Variants in CBL observed in about 807,000 individuals in gnomAD.
CBL encodes Cbl proto-oncogene.
In CBL, 45 loss-of-function variants were observed where a neutral mutation model predicts 96.9. The observed-to-expected ratio is 0.46, with a 90% CI of 0.37 to 0.60. The LOEUF is 0.60. Among genes scored for constraint, CBL ranks in the 20% least tolerant of loss-of-function variants. CBL has a pLI of 0.00. For missense variants in CBL, 1,024 were observed against 1,143.5 expected (o/e 0.90, Z 1.51); for synonymous variants, 420 against 426.8 (o/e 0.98, Z 0.20).
In CBL at chr11:119,206,392, G is replaced by C. The variant is rs202120613; in HGVS notation, c.-26G>C. 448 of 1,499,678 alleles carry C rather than the reference G, an allele frequency of 3.0e-4. 1 individual carries two copies. In the African/African-American group the frequency reaches 5.7e-3, roughly 19 times the overall value. 92.9% of individuals were successfully genotyped at this position (1,499,678 alleles called of 1,614,324 possible). A position where few individuals can be genotyped will look rare whatever the true frequency, so the allele number is the denominator to read the frequency against. On this transcript the variant is annotated 5_prime_UTR_variant, in exon 1 of 16. Coordinates refer to ENST00000264033, the MANE Select transcript of CBL (RefSeq NM_005188.4). Reference sequence around the variant, plus strand: ...GCAGTCGAGCCGAGCCGGCGGACCCGCCTGGGCTCCGACCCTGCCCAGGCC... The same window carrying C: ...GCAGTCGAGCCGAGCCGGCGGACCCCCCTGGGCTCCGACCCTGCCCAGGCC...
chr11:119,258,887 T>C (rs567647299), intron 2 of CBL, among the ~76,000 whole-genome samples: 3 of 152,356 alleles, frequency 2.0e-5, no homozygotes, highest in African/African-American at 4.8e-5. Flanking sequence ...ATTTTCACGA[T>C]ACTGATTCTT....
rs927965802 is a variant in CBL at position 119,300,933 on chromosome 11, A to C, written c.*1152A>C. 4.1e-6 allele frequency: 1 copy of C among 246,862 alleles called. No individual in the cohort carries two copies. Among genetic ancestry groups the C allele is most frequent in the Non-Finnish European group, 7.8e-6 (1 of 127,592 alleles). 15.3% of individuals were successfully genotyped at this position (246,862 alleles called of 1,614,324 possible). ...GTTCAGTTTTTCTTCCCAGTGAATT[A>C]ATTTCAGCTTATATGGGTGTCTTCA... On this transcript the variant is annotated 3_prime_UTR_variant, in exon 16 of 16. Transcript: ENST00000264033.
intron 2 of CBL, among the ~76,000 whole-genome samples, chr11:119,266,032 A>AAAAG (rs1174381765): frequency 1.9e-4 from 29 of 148,914 alleles, no homozygotes; most frequent in Admixed American, 6.1e-4. Flanking sequence ...AAAAAAAAAA[A>AAAAG]AAAGAAAGAA....
chr11:119,262,840 G>T (rs185345653), intron 2 of CBL, among the ~76,000 whole-genome samples: 38 of 152,282 alleles, frequency 2.5e-4, no homozygotes, highest in South Asian at 6.2e-4. Flanking sequence ...CCCCAAGGAG[G>T]CAGTGTTTGA....
chr11:119,299,524 A>G lies in CBL; in HGVS notation c.2464A>G (p.Arg822Gly), dbSNP rs1487925103. 6 of 1,613,998 alleles carry G rather than the reference A, an allele frequency of 3.7e-6. No homozygotes were observed. The Admixed American group carries it at 1.0e-4, about 27-fold the overall frequency. The part of the protein sequence containing the change: ...NVTEGSQVPE[R>G]PPKPFPRRIN... ...CACTGAAGGTTCCCAAGTTCCCGAG[A>G]GGCCTCCAAAACCATTCCCGCGGAG... The change falls in exon 16 of 16, where the codon AGG becomes GGG. Residue 822 changes from arginine (R) to glycine (G), a missense_variant. Coordinates refer to ENST00000264033, the MANE Select transcript of CBL (RefSeq NM_005188.4).
At position 119,300,772 on chromosome 11, in the gene CBL, A is replaced by C. The variant is rs910857453; in HGVS notation, c.*991A>C. ...CCAGGTATGTGTTCTGATGTAGGTC[A>C]TGAGTCTTTCTACTTAATGGGAAGG... is the stretch of plus-strand genomic sequence containing the variant. On this transcript the variant is annotated 3_prime_UTR_variant, in exon 16 of 16. Transcript: ENST00000264033. 14 of 390,568 alleles carry C rather than the reference A, an allele frequency of 3.6e-5. No homozygotes were observed. Among genetic ancestry groups the C allele is most frequent in the Admixed American group, 1.3e-4 (3 of 22,452 alleles). The allele number at this position is 390,568 out of a possible 1,614,324, so 24.2% of individuals were successfully genotyped here.
At chr11:119,279,651 C>T (rs1247717638) in intron 9 of CBL, among the ~76,000 whole-genome samples, 2 of 152,082 alleles carry the variant, frequency 1.3e-5, no homozygotes, top group Non-Finnish European at 2.9e-5. Context: ...GACCCTGTCT[C>T]ATAAATAAAT....
rs1368625329 is a variant in CBL, at chr11:119,305,557, G to A, written c.*5776G>A. ...GGGCCGCTCTGCAGTAATGTTCTCA[G>A]GCAAGCCTTCCTAGGCACCTCAGAA... On this transcript the variant is annotated 3_prime_UTR_variant, in exon 16 of 16. Transcript: ENST00000264033. 1 of 227,870 alleles carries A rather than the reference G, an allele frequency of 4.4e-6. No individual in the cohort carries two copies. Among genetic ancestry groups the A allele is most frequent in the Non-Finnish European group, 8.7e-6 (1 of 114,894 alleles). The allele number at this position is 227,870 out of a possible 1,614,324, so 14.1% of individuals were successfully genotyped here. A position where few individuals can be genotyped will look rare whatever the true frequency, so the allele number is the denominator to read the frequency against.
intron 15 of CBL, 52 bp from the exon 16 acceptor site, chr11:119,299,443 T>C: frequency 6.6e-7 from 1 of 1,521,026 alleles, no homozygotes; most frequent in Non-Finnish European, 9.1e-7. Flanking sequence ...TTGCTGTTGT[T>C]AAATGAGGAT....
At chr11:119,222,375 T>G (rs373480265) in intron 1 of CBL, among the ~76,000 whole-genome samples, 2 of 152,298 alleles carry the variant, frequency 1.3e-5, no homozygotes, top group South Asian at 2.1e-4. Context: ...CTTTCCAAAT[T>G]TTTTCTATTG....
At chr11:119,224,650 G>C (rs184407727) in intron 1 of CBL, among the ~76,000 whole-genome samples, 273 of 152,148 alleles carry the variant, frequency 1.8e-3, no homozygotes, top group Non-Finnish European at 3.4e-3. Context: ...GAGTGCAGTG[G>C]CGTGACCTTG....
intron 12 of CBL, among the ~76,000 whole-genome samples, chr11:119,296,278 G>A (rs890395974): frequency 9.2e-5 from 14 of 152,146 alleles, no homozygotes; most frequent in African/African-American, 3.4e-4. Context: ...CTACAATTTA[G>A]TGGGGTGTTT....
rs1207361567 is a variant in CBL at position 119,302,479 on chromosome 11, G to A, written c.*2698G>A. ...AAACTGCCTTTTATGAACAGACTTCGAGTTTTGCCATTTTGGGCAAGCCCT... is the reference window on the plus strand; with the variant it reads ...AAACTGCCTTTTATGAACAGACTTCAAGTTTTGCCATTTTGGGCAAGCCCT... On this transcript the variant is annotated 3_prime_UTR_variant, in exon 16 of 16. Coordinates refer to ENST00000264033, the MANE Select transcript of CBL (RefSeq NM_005188.4). The A allele has an allele frequency of 4.3e-6, 1 of 232,790 alleles. No individual in the cohort carries two copies. The highest frequency in any genetic ancestry group is 8.5e-6 in the Non-Finnish European group (1 of 117,786). 14.4% of individuals were successfully genotyped at this position (232,790 alleles called of 1,614,324 possible). A position where few individuals can be genotyped will look rare whatever the true frequency, so the allele number is the denominator to read the frequency against.
intron 2 of CBL, among the ~76,000 whole-genome samples, chr11:119,267,184 C>T (rs1949809073): frequency 6.6e-6 from 1 of 152,122 alleles, no homozygotes; most frequent in Admixed American, 6.5e-5. Context: ...CAGTGGATAT[C>T]TCTGGTGGTT....
rs1333855863 is a variant in CBL at position 119,301,838 on chromosome 11, A to AT, written c.*2061dup. 2 of 233,010 alleles carry AT rather than the reference A, an allele frequency of 8.6e-6. No homozygotes were observed. Among genetic ancestry groups the AT allele is most frequent in the African/African-American group, 2.2e-5 (1 of 45,290 alleles). 14.4% of individuals were successfully genotyped at this position (233,010 alleles called of 1,614,324 possible). On this transcript the variant is annotated 3_prime_UTR_variant, in exon 16 of 16. Coordinates refer to ENST00000264033, the MANE Select transcript of CBL (RefSeq NM_005188.4). ...TAACAGCCAGTACACACACTGTTTC[A>AT]TTTTGAGGTAACGTTCAGTTTTGCA...
intron 2 of CBL, among the ~76,000 whole-genome samples, chr11:119,259,041 G>C (rs1949732873): frequency 6.6e-6 from 1 of 152,106 alleles, no homozygotes; most frequent in African/African-American, 2.4e-5. Flanking sequence ...TTTTCTTTCA[G>C]CTATTGTAAA....
intron 12 of CBL, among the ~76,000 whole-genome samples, chr11:119,289,207 G>A (rs914999597): frequency 6.6e-6 from 1 of 152,148 alleles, no homozygotes; most frequent in Non-Finnish European, 1.5e-5. Context: ...TTTGTTAATT[G>A]TGTTAAATCT....
intron 2 of CBL, among the ~76,000 whole-genome samples, chr11:119,268,082 G>T (rs760403384): frequency 1.3e-5 from 2 of 152,220 alleles, no homozygotes; most frequent in African/African-American, 4.8e-5. Context: ...TAAGAAGTTA[G>T]TTAGAAAGAT....
intron 2 of CBL, among the ~76,000 whole-genome samples, chr11:119,265,858 A>G (rs1949798553): frequency 1.3e-5 from 2 of 152,074 alleles, no homozygotes; most frequent in Admixed American, 1.3e-4. Context: ...CTCCGTCTCT[A>G]CTAAAAATAT....
Sources: allele counts gnomAD v4.1 joint callset (sites outside exome capture counted in the v4.1 genomes callset), GRCh38; gene constraint gnomAD v4.1.1; transcripts MANE v1.5; gene names NCBI Gene and HGNC (gene_info 2026-07-23, HGNC 2026-07-21).